Variants in ELP4 observed in about 807,000 individuals in gnomAD.
The protein encoded by ELP4 is elongator complex protein 4.
A neutral mutation model predicts 48.9 loss-of-function variants in ELP4; 51 were observed. The observed-to-expected ratio is 1.04, with a 90% confidence interval of 0.83 to 1.32. ELP4 has a LOEUF of 1.32. Ranked by LOEUF, ELP4 falls within the 40% of genes most tolerant of loss-of-function variation. The pLI, the probability that ELP4 is intolerant of heterozygous loss-of-function variation, is 0.00. For synonymous variants in ELP4, 210 were observed against 189.2 expected (o/e 1.11, Z -0.90); for missense variants, 519 against 514.6 (o/e 1.01, Z -0.08).
At chr11:31,579,494 A>T (rs1957347734) in intron 3 of ELP4, among the ~76,000 whole-genome samples, 1 of 152,226 alleles carries the variant, frequency 6.6e-6, no homozygotes, top group Non-Finnish European at 1.5e-5. Context: ...ACATATGTTT[A>T]TTGCGGCACT....
intron 9 of ELP4, among the ~76,000 whole-genome samples, chr11:31,706,293 A>G (rs1187503499): frequency 6.6e-6 from 1 of 151,442 alleles, no homozygotes; most frequent in Non-Finnish European, 1.5e-5. Context: ...ATTAGAAATG[A>G]TATATTATTT....
chr11:31,532,184 C>A (rs1956406104), intron 2 of ELP4, among the ~76,000 whole-genome samples: 1 of 152,112 alleles, frequency 6.6e-6, no homozygotes, highest in South Asian at 2.1e-4. Context: ...TAGCATGTTA[C>A]CACCAGAAGA....
intron 3 of ELP4, among the ~76,000 whole-genome samples, chr11:31,549,593 TCTAGAA>T (rs1392973808): frequency 2.6e-5 from 4 of 151,822 alleles, no homozygotes; most frequent in African/African-American, 9.7e-5. Context: ...TCCTCAGGGA[TCTAGAA>T]CTAGAAATAC....
At chr11:31,715,091 G>T (rs1036760716) in intron 9 of ELP4, 1 of 313,044 alleles carries the variant, frequency 3.2e-6, no homozygotes. Flanking sequence ...GAACCACTTC[G>T]TTGGCTCAGA....
At position 31,650,241 on chromosome 11, in the gene ELP4, T is replaced by C. The variant is rs755030735; in HGVS notation, c.1143+20T>C. On this transcript the variant is annotated intron_variant, in intron 9 of 9. Transcript: ENST00000640961. ...ATTGAGGTAAGAGAATTTTTATGTT[T>C]TAGTTTACAATCTTGAGATAAACTT... 1 of 804,610 alleles carries C rather than the reference T, an allele frequency of 1.2e-6. No individual in the cohort carries two copies. Among genetic ancestry groups the C allele is most frequent in the South Asian group, 1.8e-5 (1 of 56,090 alleles). 49.8% of individuals were successfully genotyped at this position (804,610 alleles called of 1,614,324 possible).
intron 9 of ELP4, among the ~76,000 whole-genome samples, chr11:31,698,960 A>C (rs1946466587): frequency 1.3e-5 from 2 of 152,180 alleles, no homozygotes; most frequent in African/African-American, 4.8e-5. Flanking sequence ...AATTTGAAAG[A>C]AATGATTTTA....
intron 4 of ELP4, among the ~76,000 whole-genome samples, chr11:31,603,409 G>A (rs1392735611): frequency 6.6e-6 from 1 of 151,542 alleles, no homozygotes; most frequent in African/African-American, 2.4e-5. Context: ...TATTTAATTT[G>A]TCATTAAAAC....
chr11:31,629,572 C>A (rs576358006), intron 6 of ELP4, among the ~76,000 whole-genome samples: 587 of 151,994 alleles, frequency 3.9e-3, no homozygotes, highest in Admixed American at 6.3e-3. Context: ...AGTCATTAAA[C>A]CTCTGTAGTT....
intron 9 of ELP4, among the ~76,000 whole-genome samples, chr11:31,671,915 A>T (rs1427318679): frequency 6.6e-6 from 1 of 152,226 alleles, no homozygotes; most frequent in Non-Finnish European, 1.5e-5. Flanking sequence ...TAGCAGCTAA[A>T]ATAGGTCATC....
At chr11:31,586,264 TA>T (rs1957471860) in intron 3 of ELP4, among the ~76,000 whole-genome samples, 1 of 152,166 alleles carries the variant, frequency 6.6e-6, no homozygotes, top group Admixed American at 6.5e-5. Flanking sequence ...TCAACAAAGA[TA>T]TATTCTATTT....
chr11:31,550,560 C>G (rs1395556015), intron 3 of ELP4, among the ~76,000 whole-genome samples: 1 of 152,054 alleles, frequency 6.6e-6, no homozygotes, highest in Non-Finnish European at 1.5e-5. Flanking sequence ...TTTACTTTAA[C>G]TGAAGAAAAA....
intron 5 of ELP4, among the ~76,000 whole-genome samples, chr11:31,605,919 T>C (rs896349035): frequency 6.6e-6 from 1 of 152,056 alleles, no homozygotes; most frequent in African/African-American, 2.4e-5. Flanking sequence ...AAACTCAAGT[T>C]TCTAAAACCT....
At chr11:31,594,678 T>G in intron 3 of ELP4, 92 bp from the exon 4 acceptor site, 1 of 786,440 alleles carries the variant, frequency 1.3e-6, no homozygotes, top group Non-Finnish European at 1.9e-6. Flanking sequence ...TTTCAATACA[T>G]TGGAAATTTC....
chr11:31,610,924 G>C (rs915173086), intron 5 of ELP4, among the ~76,000 whole-genome samples: 5 of 152,012 alleles, frequency 3.3e-5, no homozygotes, highest in African/African-American at 1.2e-4. Flanking sequence ...TGTAATCTTT[G>C]ACCCTTGACT....
intron 3 of ELP4, among the ~76,000 whole-genome samples, chr11:31,548,783 C>T (rs984781852): frequency 6.6e-6 from 1 of 152,174 alleles, no homozygotes; most frequent in African/African-American, 2.4e-5. Context: ...GGTACCAAAA[C>T]AGAGATATAG....
chr11:31,648,897 T>C (rs1945263005), intron 8 of ELP4: 1 of 151,560 alleles, frequency 6.6e-6, no homozygotes, highest in Non-Finnish European at 1.5e-5. Flanking sequence ...ATGATGAAAT[T>C]ATTAATTTAT....
chr11:31,766,076 A>C (rs898804512), intron 9 of ELP4, among the ~76,000 whole-genome samples: 1 of 152,050 alleles, frequency 6.6e-6, no homozygotes, highest in Non-Finnish European at 1.5e-5. Flanking sequence ...TCTATTTTTT[A>C]AAGTCTTTAA....
chr11:31,600,235 TTCTC>T (rs1957755555), intron 4 of ELP4: 1 of 152,132 alleles, frequency 6.6e-6, no homozygotes, highest in African/African-American at 2.4e-5. Flanking sequence ...GTGATTTTAA[TTCTC>T]TCTAAGGTGG....
chr11:31,541,782 C>T (rs921193084), intron 3 of ELP4, among the ~76,000 whole-genome samples: 1 of 152,134 alleles, frequency 6.6e-6, no homozygotes, highest in East Asian at 1.9e-4. Context: ...GTGTACTTTA[C>T]ATATCCTTCT....
Sources: gnomAD v4.1 joint callset for allele counts (sites outside exome capture counted in the v4.1 genomes callset) on GRCh38, gnomAD v4.1.1 for gene constraint, MANE v1.5 for transcripts, NCBI Gene and HGNC (gene_info 2026-07-23, HGNC 2026-07-21) for gene names.